Variants in BBS2 observed in about 807,000 individuals in gnomAD.
BBS2 encodes BBSome complex member BBS2.
A neutral mutation model predicts 83.0 loss-of-function variants in BBS2; 62 were observed. That is an observed-to-expected ratio of 0.75 (90% CI 0.61 to 0.92). BBS2 has a LOEUF of 0.92. BBS2 is among the 40% of genes least tolerant of loss of function. BBS2 has a pLI of 0.00. For missense variants in BBS2, 784 were observed against 901.0 expected (o/e 0.87, Z 1.66); for synonymous variants, 303 against 326.1 (o/e 0.93, Z 0.76).
At chr16:56,485,849 T>G in intron 15 of BBS2, 111 bp from the exon 16 acceptor site, 3 of 1,000,140 alleles carry the variant, frequency 3.0e-6, no homozygotes, top group Non-Finnish European at 4.6e-6. Flanking sequence ...TTAAGCTATA[T>G]TTTCATTAAA....
chr16:56,479,092 T>C (rs1567561252), intron 17 of BBS2: 1 of 152,244 alleles, frequency 6.6e-6, no homozygotes, highest in Non-Finnish European at 1.5e-5. Context: ...AGCTATGATG[T>C]TCACCTGTAA....
chr16:56,519,753 G>A lies in BBS2; in HGVS notation c.110C>T (p.Thr37Met). Reference protein sequence around the residue: ...THPCLAAATQTGKVFIHNPHT... With the variant: ...THPCLAAATQMGKVFIHNPHT... ...GCGGGTGGGAGCGGTTACCTTGCCC[G>A]TTTGGGTGGCGGCCGCCAGGCACGG... is the stretch of plus-strand genomic sequence containing the variant. The change falls in exon 1 of 17, where the codon ACG becomes ATG. Residue 37 changes from threonine to methionine, a missense_variant. Transcript: ENST00000245157. 1 of 1,612,978 alleles carries A rather than the reference G, an allele frequency of 6.2e-7. No individual in the cohort carries two copies. The highest frequency in any genetic ancestry group is 2.2e-5 in the East Asian group (1 of 44,862).
rs1672216264 is a variant in BBS2 at position 56,510,738 on chromosome 16, T to C, written c.534+121A>G. 4.1e-6 allele frequency: 4 copies of C among 983,274 alleles called. No homozygotes were observed. In the Admixed American group the frequency reaches 6.8e-5, roughly 17 times the overall value. The allele number at this position is 983,274 out of a possible 1,614,324, so 60.9% of individuals were successfully genotyped here. On this transcript the variant is annotated intron_variant, in intron 4 of 16. Coordinates refer to ENST00000245157, the MANE Select transcript of BBS2 (RefSeq NM_031885.5). ...GAATGGGGCCAACTGGCTGAGCATT[T>C]AGGCAACAGAGCACCAAAATCAGCC... is the stretch of plus-strand genomic sequence containing the variant.
rs112518561 is a variant in BBS2 at position 56,473,997 on chromosome 16, C to G, written c.*1-3302G>C. On this transcript the variant is annotated intron_variant, in intron 17 of 17. Transcript: ENST00000682047. ...AATATTTTCGTATTTTTAGTAGAAA[C>G]GGGGTTTTGCCATATTGGCCAGGCT... Among the ~76,000 whole-genome samples the G allele has an allele frequency of 3.3e-5, 5 of 152,090 alleles. No individual in the cohort carries two copies. In the South Asian group the frequency reaches 1.0e-3, roughly 32 times the overall value.
intron 5 of BBS2, among the ~76,000 whole-genome samples, chr16:56,508,972 G>T (rs898506305): frequency 6.6e-6 from 1 of 151,952 alleles, no homozygotes; most frequent in East Asian, 1.9e-4. Context: ...TAAACAACCT[G>T]GGATATTAAG....
At chr16:56,489,570 G>A (rs1963879440) in intron 15 of BBS2, among the ~76,000 whole-genome samples, 1 of 152,036 alleles carries the variant, frequency 6.6e-6, no homozygotes, top group African/African-American at 2.4e-5. Context: ...GCCGAGGTTG[G>A]TGGATCACCT....
chr16:56,491,282 C>T (rs192182452), intron 15 of BBS2, among the ~76,000 whole-genome samples: 94 of 152,210 alleles, frequency 6.2e-4, no homozygotes, highest in Admixed American at 2.0e-3. Flanking sequence ...GGGGCAGATC[C>T]CTCATGAATA....
intron 15 of BBS2, among the ~76,000 whole-genome samples, chr16:56,489,261 T>C (rs1184343623): frequency 6.6e-6 from 1 of 151,958 alleles, no homozygotes; most frequent in Non-Finnish European, 1.5e-5. Context: ...GGATCCCTTG[T>C]ACCTGGGAGG....
chr16:56,495,866 G>A lies in BBS2; in HGVS notation c.1910+1101C>T, dbSNP rs369040388. 4.0e-5 allele frequency among the ~76,000 whole-genome samples: 6 copies of A among 151,494 alleles called. No homozygotes were observed. In the East Asian group the frequency reaches 7.7e-4, roughly 19 times the overall value. On this transcript the variant is annotated intron_variant, in intron 15 of 16. Coordinates refer to ENST00000245157, the MANE Select transcript of BBS2 (RefSeq NM_031885.5). The stretch of plus-strand genomic sequence containing the variant: ...ATAGTTGTGGCTAGAATTACACAAT[G>A]TCCAAAATTTGCCTCAAAATTATCT...
At position 56,518,065 on chromosome 16, in the gene BBS2, C is replaced by T. The variant is rs190258905; in HGVS notation, c.117+1681G>A. Among the ~76,000 whole-genome samples the T allele has an allele frequency of 1.4e-4, 21 of 152,256 alleles. 1 individual carries two copies. The highest frequency in any genetic ancestry group is 8.3e-4 in the South Asian group (4 of 4,828). ...CTCCTGACCTCAGATGATCTGCCTGCCTCAGCCTCTCAAAGTGCTGGGATT... is the reference window on the plus strand; with the variant it reads ...CTCCTGACCTCAGATGATCTGCCTGTCTCAGCCTCTCAAAGTGCTGGGATT... On this transcript the variant is annotated intron_variant, in intron 1 of 16. Coordinates refer to ENST00000245157, the MANE Select transcript of BBS2 (RefSeq NM_031885.5).
At chr16:56,511,383 A>G (rs1250626045) in intron 2 of BBS2, 99 bp from the exon 3 acceptor site, 2 of 1,512,848 alleles carry the variant, frequency 1.3e-6, no homozygotes, top group Non-Finnish European at 1.8e-6. Flanking sequence ...GATTTTGAGT[A>G]AAACAGATTA....
intron 11 of BBS2, 104 bp downstream of exon 11, chr16:56,500,750 G>T: frequency 1.7e-6 from 2 of 1,205,012 alleles, no homozygotes; most frequent in Non-Finnish European, 2.4e-6. Context: ...ACCATTAAAT[G>T]GTTTCTCAGG....
At chr16:56,493,978 T>A (rs183329868) in intron 15 of BBS2, among the ~76,000 whole-genome samples, 11 of 152,234 alleles carry the variant, frequency 7.2e-5, no homozygotes, top group Admixed American at 7.2e-4. Context: ...CACTTTTTTT[T>A]AAGAGATCTT....
At chr16:56,503,950 G>A (rs1056180085) in intron 7 of BBS2, among the ~76,000 whole-genome samples, 4 of 151,590 alleles carry the variant, frequency 2.6e-5, no homozygotes, top group Admixed American at 2.6e-4. Flanking sequence ...TTATGTTCCA[G>A]GCAAGGACAC....
chr16:56,498,230 T>A (rs1480640708), intron 13 of BBS2, among the ~76,000 whole-genome samples: 3 of 152,100 alleles, frequency 2.0e-5, no homozygotes, highest in Non-Finnish European at 4.4e-5. Flanking sequence ...GTGTCTAAAA[T>A]GGTAACACTA....
intron 11 of BBS2, 160 bp from the exon 12 acceptor site, chr16:56,500,067 G>GT (rs2144140245): frequency 1.3e-6 from 1 of 749,632 alleles, no homozygotes; most frequent in African/African-American, 1.8e-5. Context: ...AAGTACTACA[G>GT]TAATATATTA....
At chr16:56,481,044 T>C (rs918935415), downstream of BBS2, among the ~76,000 whole-genome samples, 2 of 152,110 alleles carry the variant, frequency 1.3e-5, no homozygotes, top group African/African-American at 4.8e-5. Flanking sequence ...TTACTGTACT[T>C]GAGTTTCCAA....
chr16:56,486,748 CTT>C (rs1190474419), intron 15 of BBS2, among the ~76,000 whole-genome samples: 19 of 84,216 alleles, frequency 2.3e-4, no homozygotes, highest in African/African-American at 7.6e-4. Flanking sequence ...CAGAAATATT[CTT>C]TTTTTTTTTT....
At position 56,514,605 on chromosome 16, in the gene BBS2, C is replaced by G; in HGVS notation, c.193G>C (p.Asp65His). 6.2e-7 allele frequency: 1 copy of G among 1,614,168 alleles called. No homozygotes were observed. Among genetic ancestry groups the G allele is most frequent in the East Asian group, 2.2e-5 (1 of 44,882 alleles). ...TGGTTAATGCTGAGAAGAGAAACATCAGATTCCAGGGGGCTCTGGAAGACC... is the reference window on the plus strand; with the variant it reads ...TGGTTAATGCTGAGAAGAGAAACATGAGATTCCAGGGGGCTCTGGAAGACC... ...SRVFQSPLES[D>H]VSLLSINQAV... Residue 65 changes from aspartate (D) to histidine (H), a missense_variant, in exon 2 of 17, where the codon GAT (aspartate) becomes CAT (histidine). By Grantham distance (81) the Asp-to-His change is moderately conservative. Coordinates refer to ENST00000245157, the MANE Select transcript of BBS2 (RefSeq NM_031885.5).
Sources: gnomAD v4.1 joint callset for allele counts (sites outside exome capture counted in the v4.1 genomes callset) on GRCh38, gnomAD v4.1.1 for gene constraint, MANE v1.5 for transcripts, NCBI Gene and HGNC (gene_info 2026-07-23, HGNC 2026-07-21) for gene names.